LRP2: variants seen among roughly 807,000 people sequenced by gnomAD.
LRP2 encodes low-density lipoprotein receptor-related protein 2.
Under a neutral mutation model 531.0 loss-of-function variants are expected in LRP2, and 172 were observed. The ratio of observed to expected loss-of-function variants is 0.32; its 90% CI spans 0.29 to 0.37. The LOEUF (loss-of-function observed/expected upper bound fraction) is 0.37, where lower values mean the gene tolerates loss of function less well. Among genes scored for constraint, LRP2 ranks in the 10% least tolerant of loss-of-function variants. LRP2 has a pLI of 1.00. For missense variants in LRP2, 5,167 were observed against 5,868.3 expected (o/e 0.88, Z 3.90); for synonymous variants, 1,992 against 2,027.6 (o/e 0.98, Z 0.47).
intron 1 of LRP2, among the ~76,000 whole-genome samples, chr2:169,347,619 A>G (rs566787525): frequency 1.4e-4 from 21 of 152,268 alleles, no homozygotes; most frequent in African/African-American, 5.1e-4. Flanking sequence ...CAGATAATGA[A>G]ATAGTAATAT....
intron 57 of LRP2, 123 bp downstream of exon 57, chr2:169,172,973 T>G: frequency 7.4e-7 from 1 of 1,349,284 alleles, no homozygotes; most frequent in Non-Finnish European, 1.0e-6. Context: ...TCAACCATTT[T>G]TTTACAGAGG....
chr2:169,360,616 T>C (rs1216225801), intron 1 of LRP2, among the ~76,000 whole-genome samples: 4 of 152,114 alleles, frequency 2.6e-5, no homozygotes, highest in African/African-American at 9.7e-5. Flanking sequence ...ATATAGTAAA[T>C]CCTATAGCTA....
At chr2:169,309,866 T>C (rs1447318328) in intron 3 of LRP2, among the ~76,000 whole-genome samples, 3 of 152,234 alleles carry the variant, frequency 2.0e-5, no homozygotes, top group Admixed American at 6.5e-5. Flanking sequence ...GCATAGAATG[T>C]TCCTTCATTT....
chr2:169,321,040 T>C (rs1235772685), intron 1 of LRP2, among the ~76,000 whole-genome samples, 156 bp from the exon 2 acceptor site: 10 of 152,206 alleles, frequency 6.6e-5, no homozygotes, highest in Non-Finnish European at 1.5e-4. Flanking sequence ...AATGATAATA[T>C]AAAAATATTT....
chr2:169,176,398 AAG>A lies in LRP2; in HGVS notation c.10571+11_10571+12del, dbSNP rs753252445. 2 of 1,614,118 alleles carry A rather than the reference AAG, an allele frequency of 1.2e-6. No homozygotes were observed. Among genetic ancestry groups the A allele is most frequent in the African/African-American group, 1.3e-5 (1 of 75,042 alleles). ...CTAGAGAGGCACTGAGGAGAGGGGAAAGAGAGCCTTACTTTTCATTGTTAGCG... is the reference window on the plus strand; with the variant it reads ...CTAGAGAGGCACTGAGGAGAGGGGAAAGAGCCTTACTTTTCATTGTTAGCG... On this transcript the variant is annotated intron_variant, in intron 54 of 78. Transcript: ENST00000649046.
chr2:169,184,540 C>T (rs1279731080), intron 50 of LRP2, among the ~76,000 whole-genome samples: 1 of 152,130 alleles, frequency 6.6e-6, no homozygotes, highest in Non-Finnish European at 1.5e-5. Context: ...ACCACAAAGC[C>T]AATTAGTTTA....
At chr2:169,292,735 G>C (rs1684029583) in intron 6 of LRP2, among the ~76,000 whole-genome samples, 1 of 151,438 alleles carries the variant, frequency 6.6e-6, no homozygotes, top group Admixed American at 6.6e-5. Context: ...GGCTGAGGTG[G>C]GAGGATGGCA....
intron 1 of LRP2, among the ~76,000 whole-genome samples, chr2:169,358,624 TC>T (rs769117907): frequency 6.6e-6 from 1 of 152,170 alleles, no homozygotes; most frequent in Non-Finnish European, 1.5e-5. Context: ...CATATAAACT[TC>T]ATGTGAAGAT....
intron 3 of LRP2, among the ~76,000 whole-genome samples, chr2:169,308,340 G>A (rs200850000): frequency 4.7e-4 from 72 of 151,964 alleles, no homozygotes; most frequent in East Asian, 1.9e-3. Context: ...AGTCATTTAC[G>A]TTAGGTGTAT....
chr2:169,310,669 T>G (rs942745710), intron 3 of LRP2, among the ~76,000 whole-genome samples: 1 of 152,168 alleles, frequency 6.6e-6, no homozygotes, highest in Non-Finnish European at 1.5e-5. Flanking sequence ...TCTCTTTTTT[T>G]GTTGTGTCTC....
intron 3 of LRP2, among the ~76,000 whole-genome samples, chr2:169,317,809 G>T (rs1463712322): frequency 6.6e-6 from 1 of 152,150 alleles, no homozygotes; most frequent in Admixed American, 6.5e-5. Flanking sequence ...AGTCATGGGG[G>T]GGTCATGCCT....
Position 169,182,210 on chromosome 2 carries a change from A to C in LRP2, c.9955T>G (p.Cys3319Gly). The C allele has an allele frequency of 6.2e-7, 1 of 1,614,194 alleles. No homozygotes were observed. The highest frequency in any genetic ancestry group is 8.5e-7 in the Non-Finnish European group (1 of 1,180,006). Reference sequence around the variant, plus strand: ...GCAAGTCCTCTGGGATTATCAAAGCAGAAGGTGTTGTTGGCATCCACACAG... The same window carrying C: ...GCAAGTCCTCTGGGATTATCAAAGCCGAAGGTGTTGTTGGCATCCACACAG... ...QHCVDANNTF[C>G]FDNPRGLALH... is the part of the protein sequence containing the mutation. The change falls in exon 51 of 79, where the codon TGC becomes GGC. Residue 3319 changes from cysteine (C) to glycine (G), a missense_variant. Transcript: ENST00000649046.
In LRP2 at chr2:169,208,826, T is replaced by C. The variant is rs373804058; in HGVS notation, c.6469+627A>G. ...TCAATGATACTGATTTTATGTAGAA[T>C]TGGATTATATTCCAAAACATATAAT... On this transcript the variant is annotated intron_variant, in intron 38 of 78. Transcript: ENST00000649046. 1.1e-4 allele frequency among the ~76,000 whole-genome samples: 17 copies of C among 152,346 alleles called. No individual in the cohort carries two copies. In the South Asian group the frequency reaches 1.2e-3, roughly 11 times the overall value.
chr2:169,176,353 G>A (rs1360035332), intron 54 of LRP2, 58 bp downstream of exon 54: 1 of 1,603,506 alleles, frequency 6.2e-7, no homozygotes, highest in Non-Finnish European at 8.5e-7. Context: ...GAGCCTTGAA[G>A]GTCAATGTCT....
At chr2:169,306,154 A>G (rs188653371) in intron 4 of LRP2, among the ~76,000 whole-genome samples, 21 of 151,958 alleles carry the variant, frequency 1.4e-4, no homozygotes, top group Non-Finnish European at 2.8e-4. Flanking sequence ...AATATATGTT[A>G]TATGTATATA....
Position 169,256,210 on chromosome 2 carries a change from G to A in LRP2, c.2666C>T (p.Ala889Val). 6.2e-7 allele frequency: 1 copy of A among 1,612,558 alleles called. No individual in the cohort carries two copies. The highest frequency in any genetic ancestry group is 8.5e-7 in the Non-Finnish European group (1 of 1,178,918). ...GCTGTGCTCAATTTTATCAAAATAG[G>A]CATCTACCCAGTACAATCGTGAAGC... Reference protein sequence around the residue: ...WAASRLYWVDAYFDKIEHSTF... With the variant: ...WAASRLYWVDVYFDKIEHSTF... Residue 889 changes from alanine to valine, a missense_variant, in exon 19 of 79, where the codon GCC (alanine) becomes GTC (valine). Ala to Val is a moderately conservative substitution (Grantham distance 64, BLOSUM62 0). Around this residue, in one of 6 missense-constraint regions of LRP2, gnomAD observed 2,811 missense variants for 3,058.0 expected, o/e 0.92. Coordinates refer to ENST00000649046, the MANE Select transcript of LRP2 (RefSeq NM_004525.3).
intron 55 of LRP2, among the ~76,000 whole-genome samples, chr2:169,174,525 A>G (rs986618132): frequency 2.0e-5 from 3 of 152,048 alleles, no homozygotes; most frequent in African/African-American, 7.2e-5. Flanking sequence ...TTTTGTGCCT[A>G]TTTGATTATT....
intron 16 of LRP2, 48 bp from the exon 17 acceptor site, chr2:169,259,265 G>T: frequency 6.8e-7 from 1 of 1,465,172 alleles, no homozygotes. Context: ...TATTTTGTAA[G>T]GCATCAATTT....
chr2:169,162,480 A>T lies in LRP2; in HGVS notation c.11879T>A (p.Leu3960Gln), dbSNP rs770726587. The change falls in exon 63 of 79, where the codon CTG becomes CAG. Residue 3960 changes from leucine (L) to glutamine (Q), a missense_variant. Physicochemically the swap from Leu to Gln is moderately radical, Grantham distance 113. Around this residue, in one of 6 missense-constraint regions of LRP2, gnomAD observed 564 missense variants for 747.7 expected, o/e 0.75. Coordinates refer to ENST00000649046, the MANE Select transcript of LRP2 (RefSeq NM_004525.3). The part of the protein sequence containing the change: ...ADDCGDWSDE[L>Q]GCNKGKERTC... ...AACAAGTGTTTACTTACTGCAACCC[A>T]GTTCATCGGACCAGTCACCACAGTC... 9 of 1,614,182 alleles carry T rather than the reference A, an allele frequency of 5.6e-6. No individual in the cohort carries two copies. In the South Asian group the frequency reaches 9.9e-5, roughly 18 times the overall value.
Sources: gnomAD v4.1 joint callset for allele counts (sites outside exome capture counted in the v4.1 genomes callset) on GRCh38, gnomAD v4.1.1 for gene constraint, gnomAD v4.1.1 regional missense constraint, MANE v1.5 for transcripts, NCBI Gene and HGNC (gene_info 2026-07-23, HGNC 2026-07-21) for gene names.